Variants in PTTG1 observed in about 807,000 individuals in gnomAD.
The protein encoded by PTTG1 is PTTG1 regulator of sister chromatid separation, securin, also known as securin.
PTTG1 carries 8 observed loss-of-function variants against 20.0 expected under a neutral mutation model. The ratio of observed to expected loss-of-function variants is 0.40; its 90% confidence interval spans 0.23 to 0.72. The LOEUF is 0.72. Among genes scored for constraint, PTTG1 ranks in the 30% least tolerant of loss-of-function variants. The pLI, the probability that PTTG1 is intolerant of heterozygous loss-of-function variation, is 0.38. For missense variants in PTTG1, 197 were observed against 236.0 expected (o/e 0.83, Z 1.08); for synonymous variants, 79 against 87.2 (o/e 0.91, Z 0.52).
intron 2 of PTTG1, 71 bp downstream of exon 2, chr5:160,422,474 G>A (rs146752995): frequency 7.1e-7 from 1 of 1,400,216 alleles, no homozygotes; most frequent in African/African-American, 1.4e-5. Flanking sequence ...GAGACATTTA[G>A]TGTACTTTTT....
At chr5:160,424,446 G>A (rs1188456576) in intron 4 of PTTG1, 116 bp downstream of exon 4, 1 of 744,848 alleles carries the variant, frequency 1.3e-6, no homozygotes, top group Non-Finnish European at 2.2e-6. Context: ...GAGACTGTCT[G>A]AATCTGGGTT....
chr5:160,428,333 G>T (rs1765847120), intron 5 of PTTG1, among the ~76,000 whole-genome samples: 1 of 152,178 alleles, frequency 6.6e-6, no homozygotes, highest in Non-Finnish European at 1.5e-5. Context: ...GGGATAATTT[G>T]TCCTAATAAG....
chr5:160,422,013 A>G (rs1318635919), intron 1 of PTTG1, 122 bp downstream of exon 1: 3 of 250,856 alleles, frequency 1.2e-5, no homozygotes, highest in Non-Finnish European at 2.4e-5. Flanking sequence ...CGGGGCTTAG[A>G]TGGCTCCGAG....
intron 3 of PTTG1, 79 bp downstream of exon 3, chr5:160,422,972 G>A (rs931676159): frequency 1.2e-5 from 17 of 1,459,684 alleles, no homozygotes; most frequent in Admixed American, 7.2e-5. Flanking sequence ...ATCATCCTAC[G>A]TAGCTTTCTT....
intron 4 of PTTG1, chr5:160,424,901 T>C (rs1342943334): frequency 6.6e-6 from 1 of 152,278 alleles, no homozygotes; most frequent in African/African-American, 2.4e-5. Flanking sequence ...GCCCTGCCTA[T>C]GGGAGCCCAT....
chr5:160,427,544 G>C (rs73316390), intron 4 of PTTG1, among the ~76,000 whole-genome samples, 171 bp from the exon 5 acceptor site: 12,351 of 152,132 alleles, frequency 0.081, 1,305 homozygotes, highest in African/African-American at 0.23. Context: ...TTTCTCCACC[G>C]CTGCCTTGGT....
At position 160,425,481 on chromosome 5, in the gene PTTG1, C is replaced by T. The variant is rs1337716509; in HGVS notation, c.370+1151C>T. ...TCAAAATAGTGTAAATTGTTAAATC[C>T]GTCTACAGTGGATGAAGATGTCTGC... On this transcript the variant is annotated intron_variant, in intron 4 of 5. Coordinates refer to ENST00000352433, the MANE Select transcript of PTTG1 (RefSeq NM_004219.4). 2.6e-5 allele frequency among the ~76,000 whole-genome samples: 4 copies of T among 152,172 alleles called. No individual in the cohort carries two copies. The South Asian group carries it at 6.2e-4, about 24-fold the overall frequency.
chr5:160,422,634 G>C lies in PTTG1; in HGVS notation c.92-75G>C, dbSNP rs762703372. 6 of 1,554,870 alleles carry C rather than the reference G, an allele frequency of 3.9e-6. No homozygotes were observed. In the African/African-American group the frequency reaches 8.2e-5, roughly 21 times the overall value. On this transcript the variant is annotated intron_variant, in intron 2 of 5. Coordinates refer to ENST00000352433, the MANE Select transcript of PTTG1 (RefSeq NM_004219.4). ...GGTGGGTTTGGGGGTGAGAGGTCAA[G>C]TTTATATACACAGTATTTAAGTTGT...
intron 5 of PTTG1, 72 bp downstream of exon 5, chr5:160,427,945 G>T: frequency 6.3e-7 from 1 of 1,579,228 alleles, no homozygotes; most frequent in Non-Finnish European, 8.7e-7. Context: ...ACCATGGGAA[G>T]AGTTGTGCGG....
intron 5 of PTTG1, 45 bp from the exon 6 acceptor site, chr5:160,428,557 C>G (rs890665757): frequency 8.5e-6 from 13 of 1,533,178 alleles, no homozygotes; most frequent in Non-Finnish European, 9.0e-6. Context: ...TGGACAATGA[C>G]TCAAGGATTT....
At chr5:160,426,684 AC>A (rs1490798953) in intron 4 of PTTG1, among the ~76,000 whole-genome samples, 1 of 152,258 alleles carries the variant, frequency 6.6e-6, no homozygotes, top group Non-Finnish European at 1.5e-5. Context: ...CATTAATACC[AC>A]AACTGATCTC....
Position 160,428,629 on chromosome 5 carries a change from T to A in PTTG1, c.557T>A (p.Leu186Gln). The change falls in exon 6 of 6, where the codon CTG (leucine) becomes CAG (glutamine). Residue 186 changes from leucine to glutamine, a missense_variant. Transcript: ENST00000352433. ...SNLLQSPSSI[L>Q]STLDVELPPV... is the part of the protein sequence containing the mutation. ...CTGTTGCAGTCTCCTTCAAGCATTC[T>A]GTCGACCCTGGATGTTGAATTGCCA... 6.2e-7 allele frequency: 1 copy of A among 1,614,154 alleles called. No individual in the cohort carries two copies. The highest frequency in any genetic ancestry group is 8.5e-7 in the Non-Finnish European group (1 of 1,179,976).
intron 4 of PTTG1, among the ~76,000 whole-genome samples, chr5:160,426,427 A>G (rs116755944): frequency 2.9e-3 from 435 of 152,346 alleles, no homozygotes; most frequent in African/African-American, 0.01. Flanking sequence ...AAGTGTGGAT[A>G]GGTTTTTTTG....
Position 160,427,836 on chromosome 5 carries a change from T to C in PTTG1, c.492T>C (p.Pro164=). 6.2e-7 allele frequency: 1 copy of C among 1,614,144 alleles called. No individual in the cohort carries two copies. The highest frequency in any genetic ancestry group is 1.6e-4 in the Middle Eastern group (1 of 6,062). The change falls in exon 5 of 6, where the codon CCT becomes CCC. Residue 164 remains proline, a synonymous_variant. Transcript: ENST00000352433. ...ELEKLFQLGP[P]SPVKMPSPPW... ...AAAAGCTGTTTCAGCTGGGCCCCCCTTCACCTGTGAAGATGCCCTCTCCAC... is the reference window on the plus strand; with the variant it reads ...AAAAGCTGTTTCAGCTGGGCCCCCCCTCACCTGTGAAGATGCCCTCTCCAC...
intron 2 of PTTG1, 106 bp from the exon 3 acceptor site, chr5:160,422,603 G>T (rs1475329961): frequency 1.1e-5 from 15 of 1,315,568 alleles, no homozygotes; most frequent in African/African-American, 4.4e-5. Flanking sequence ...ACTACCAAAA[G>T]TGGGGGGTGG....
chr5:160,422,887 CA>C lies in PTTG1; in HGVS notation c.275del (p.Lys92ArgfsTer2), dbSNP rs776127942. 4 of 1,613,678 alleles carry C rather than the reference CA, an allele frequency of 2.5e-6. No individual in the cohort carries two copies. The highest frequency in any genetic ancestry group is 1.1e-5 in the South Asian group (1 of 91,028). On this transcript the variant is annotated frameshift_variant, in exon 3 of 6. Transcript: ENST00000352433. LOFTEE classifies it high-confidence loss of function. Reference sequence around the variant, plus strand: ...AACAAAAACAGCCAAGCTTTTCTGCCAAAAAGGTAAGTGTTGGCTATAAAGA... The same window carrying C: ...AACAAAAACAGCCAAGCTTTTCTGCCAAAAGGTAAGTGTTGGCTATAAAGA... ...LKQKQPSFSA[K>X]KMTEKTVKAK...
At chr5:160,427,519 T>C (rs1426655040) in intron 4 of PTTG1, among the ~76,000 whole-genome samples, 196 bp from the exon 5 acceptor site, 1 of 152,220 alleles carries the variant, frequency 6.6e-6, no homozygotes, top group Non-Finnish European at 1.5e-5. Flanking sequence ...TGATTTGTGT[T>C]GAGGCACCAG....
intron 5 of PTTG1, among the ~76,000 whole-genome samples, chr5:160,428,348 A>G (rs989243901): frequency 1.3e-5 from 2 of 152,216 alleles, no homozygotes; most frequent in Non-Finnish European, 2.9e-5. Flanking sequence ...AATAAGTTAC[A>G]TTAGTGAGAC....
chr5:160,427,888 G>A lies in PTTG1; in HGVS notation c.529+15G>A. 1 of 1,614,088 alleles carries A rather than the reference G, an allele frequency of 6.2e-7. No homozygotes were observed. The highest frequency in any genetic ancestry group is 1.1e-5 in the South Asian group (1 of 91,072). On this transcript the variant is annotated intron_variant, in intron 5 of 5. Transcript: ENST00000352433. ...ATGGGAATCCAGTAAGTGAGCAAGTGCCCTTCTGGAAGGGCTGCAAACAAT... is the reference window on the plus strand; with the variant it reads ...ATGGGAATCCAGTAAGTGAGCAAGTACCCTTCTGGAAGGGCTGCAAACAAT...
Sources: allele counts gnomAD v4.1 joint callset (sites outside exome capture counted in the v4.1 genomes callset), GRCh38; gene constraint gnomAD v4.1.1; transcripts MANE v1.5; gene names NCBI Gene and HGNC (gene_info 2026-07-23, HGNC 2026-07-21).